SYNE2: variants seen among roughly 807,000 people sequenced by gnomAD.
SYNE2 encodes nesprin-2.
In SYNE2, 431 loss-of-function variants were observed where a neutral mutation model predicts 856.3. The observed-to-expected ratio is 0.50, with a 90% CI of 0.47 to 0.55. The LOEUF (loss-of-function observed/expected upper bound fraction) is 0.55. SYNE2 is among the 20% of genes least tolerant of loss of function. SYNE2 has a pLI of 0.00. For synonymous variants in SYNE2, 2,923 were observed against 2,872.3 expected, an observed-to-expected ratio of 1.02 and a Z score of -0.56; for missense variants, 8,129 against 8,023.2, an observed-to-expected ratio of 1.01 and a Z score of -0.50.
At chr14:64,061,858 A>G (rs1281487853) in intron 49 of SYNE2, among the ~76,000 whole-genome samples, 1 of 152,214 alleles carries the variant, frequency 6.6e-6, no homozygotes, top group African/African-American at 2.4e-5. Context: ...ACCTTTCAGT[A>G]GGAATCAAAG....
chr14:64,132,881 T>C (rs2098037177), intron 77 of SYNE2, among the ~76,000 whole-genome samples: 1 of 152,112 alleles, frequency 6.6e-6, no homozygotes, highest in Non-Finnish European at 1.5e-5. Flanking sequence ...ACACCTTTCA[T>C]AGCCAATGTT....
chr14:63,811,275 A>T (rs1366938652), intron 1 of SYNE2, among the ~76,000 whole-genome samples: 1 of 151,728 alleles, frequency 6.6e-6, no homozygotes, highest in Non-Finnish European at 1.5e-5. Flanking sequence ...ATTTTTTTTG[A>T]TTCAGGGTCT....
At chr14:63,913,880 A>G (rs1353466674) in intron 2 of SYNE2, among the ~76,000 whole-genome samples, 1 of 151,982 alleles carries the variant, frequency 6.6e-6, no homozygotes, top group African/African-American at 2.4e-5. Context: ...AATTAAAAAA[A>G]TATATACGGG....
At chr14:64,148,464 C>T (rs941908734) in intron 84 of SYNE2, among the ~76,000 whole-genome samples, 1 of 152,180 alleles carries the variant, frequency 6.6e-6, no homozygotes, top group Non-Finnish European at 1.5e-5. Flanking sequence ...CCTCGTCAGT[C>T]CCCATTTGCC....
intron 63 of SYNE2, among the ~76,000 whole-genome samples, chr14:64,101,121 G>A (rs1227673097): frequency 1.3e-5 from 2 of 152,146 alleles, no homozygotes; most frequent in Non-Finnish European, 2.9e-5. Context: ...ACATGGGAGT[G>A]CAGACATCTC....
Position 64,167,569 on chromosome 14 carries a change from TAGA to T in SYNE2, c.16841_16843del (p.Glu5614del). 1.2e-6 allele frequency: 2 copies of T among 1,614,238 alleles called. No individual in the cohort carries two copies. Among genetic ancestry groups the T allele is most frequent in the Non-Finnish European group, 8.5e-7 (1 of 1,180,044 alleles). On this transcript the variant is annotated inframe_deletion, in exon 92 of 116. Coordinates refer to ENST00000555002, the MANE Select transcript of SYNE2 (RefSeq NM_182914.3). ...AAGTGGATCCAACTTTTGGAGAAGA[TAGA>T]AGAAGCACTCAAAGTGGATGTGGCT...
chr14:64,188,634 C>G lies in SYNE2; in HGVS notation c.17797C>G (p.Leu5933Val). 1 of 1,614,144 alleles carries G rather than the reference C, an allele frequency of 6.2e-7. No individual in the cohort carries two copies. The highest frequency in any genetic ancestry group is 8.5e-7 in the Non-Finnish European group (1 of 1,180,008). Residue 5933 changes from leucine (L) to valine (V), a missense_variant, in exon 98 of 116, where the codon CTG becomes GTG. By Grantham distance (32) the Leu-to-Val change is conservative. Coordinates refer to ENST00000555002, the MANE Select transcript of SYNE2 (RefSeq NM_182914.3). ...AAAAAATAAAGAGTTGTGTGCCTGG[C>G]TGGTGCAGATGGAAAACAAAGTTCT... ...NEKNKELCAW[L>V]VQMENKVLQT...
Position 64,113,379 on chromosome 14 carries a change from T to C in SYNE2, c.12648T>C (p.Ser4216=), listed in dbSNP as rs1248448231. 1.9e-6 allele frequency: 3 copies of C among 1,614,014 alleles called. No individual in the cohort carries two copies. In the Admixed American group the frequency reaches 5.0e-5, roughly 27 times the overall value. ...TPPIEADTLD[S]SDAQGGLEPR... ...CTATTGAGGCTGACACTCTGGACTC[T>C]TCTGACGCGCAAGGAGGTTTGGAGC... Residue 4216 remains serine (S), a synonymous_variant, in exon 66 of 116, where the codon TCT becomes TCC. Transcript: ENST00000555002.
intron 11 of SYNE2, among the ~76,000 whole-genome samples, chr14:63,969,724 A>G (rs767112755): frequency 4.6e-5 from 7 of 152,024 alleles, no homozygotes; most frequent in Non-Finnish European, 1.0e-4. Context: ...ATGGGCGATT[A>G]CGTTGCTTCC....
intron 1 of SYNE2, among the ~76,000 whole-genome samples, chr14:63,842,956 A>G (rs545541248): frequency 2.6e-5 from 4 of 152,026 alleles, no homozygotes; most frequent in South Asian, 2.1e-4. Flanking sequence ...GCTTTTGTCA[A>G]TGGGGTTTGC....
intron 1 of SYNE2, among the ~76,000 whole-genome samples, chr14:63,876,633 G>A (rs1245109957): frequency 2.0e-5 from 3 of 151,734 alleles, no homozygotes; most frequent in Admixed American, 6.6e-5. Flanking sequence ...GACTACAGGC[G>A]CCCACCACCA....
chr14:64,130,416 A>C lies in SYNE2; in HGVS notation c.14340+168A>C, dbSNP rs150782192. On this transcript the variant is annotated intron_variant, in intron 76 of 115. Coordinates refer to ENST00000555002, the MANE Select transcript of SYNE2 (RefSeq NM_182914.3). ...TAATGTGTACCAGGAACCCTGGTAC[A>C]TGCTAGGAATTTGGGTTATGAGTAA... Among the ~76,000 whole-genome samples, 917 of 152,350 alleles carry C rather than the reference A, an allele frequency of 6.0e-3. 4 individuals are homozygous for C. Among genetic ancestry groups the C allele is most frequent in the Middle Eastern group, 0.014 (4 of 294 alleles).
rs140028745 is a variant in SYNE2, at chr14:64,098,786, G to A, written c.12346G>A (p.Glu4116Lys). 301 of 1,614,120 alleles carry A rather than the reference G, an allele frequency of 1.9e-4. No homozygotes were observed. The African/African-American group carries it at 3.4e-3, about 18-fold the overall frequency. The change falls in exon 63 of 116, where the codon GAG becomes AAG. Residue 4116 changes from glutamate (E) to lysine (K), a missense_variant. This residue lies in a region of SYNE2 where 5,410 missense variants were observed against 5,284.8 expected (regional missense o/e 1.02). Coordinates refer to ENST00000555002, the MANE Select transcript of SYNE2 (RefSeq NM_182914.3). ...CTCCATGTCTTACCTGGCAGCAGTC[G>A]AGGAAGAGGTGGAAGAAAGTTCCGT... is the stretch of plus-strand genomic sequence containing the variant. Reference protein sequence around the residue: ...RGSMSYLAAVEEEVEESSVKS... With the variant: ...RGSMSYLAAVKEEVEESSVKS...
chr14:63,798,927 C>G (rs762105221), intron 1 of SYNE2, among the ~76,000 whole-genome samples: 2 of 152,086 alleles, frequency 1.3e-5, no homozygotes, highest in Non-Finnish European at 2.9e-5. Context: ...AGAGATGACC[C>G]GATATCCTGC....
At chr14:63,827,427 C>G (rs1407746481) in intron 1 of SYNE2, among the ~76,000 whole-genome samples, 2 of 151,572 alleles carry the variant, frequency 1.3e-5, no homozygotes, top group African/African-American at 4.8e-5. Flanking sequence ...GAGTTCGAGA[C>G]CAGCCTAACC....
chr14:63,924,673 A>G (rs1338328263), intron 2 of SYNE2, among the ~76,000 whole-genome samples: 1 of 152,164 alleles, frequency 6.6e-6, no homozygotes, highest in Non-Finnish European at 1.5e-5. Flanking sequence ...TTGGCAGTAT[A>G]TAGAAGTACA....
Position 63,989,329 on chromosome 14 carries a change from G to GATTTT in SYNE2, c.2314-1068_2314-1064dup, listed in dbSNP as rs566947021. ...CCCTCTGCAGCGAGATAGCAGATCA[G>GATTTT]ATTTTATTTTATTTTATTATTTTTT... On this transcript the variant is annotated intron_variant, in intron 19 of 115. Coordinates refer to ENST00000555002, the MANE Select transcript of SYNE2 (RefSeq NM_182914.3). Among the ~76,000 whole-genome samples the GATTTT allele has an allele frequency of 9.2e-5, 14 of 152,152 alleles. No individual in the cohort carries two copies. The South Asian group carries it at 2.9e-3, about 32-fold the overall frequency.
At chr14:64,122,960 G>A (rs184733701) in intron 70 of SYNE2, among the ~76,000 whole-genome samples, 7 of 152,134 alleles carry the variant, frequency 4.6e-5, no homozygotes, top group Non-Finnish European at 7.4e-5. Context: ...TTAGCTGGCC[G>A]TGGTGGTGCA....
intron 2 of SYNE2, among the ~76,000 whole-genome samples, chr14:63,918,009 TG>T (rs2095552189): frequency 6.6e-6 from 1 of 152,190 alleles, no homozygotes; most frequent in Non-Finnish European, 1.5e-5. Context: ...TTTAGAGTCT[TG>T]TTAAAGTGGG....
Sources: gnomAD v4.1 joint callset for allele counts (sites outside exome capture counted in the v4.1 genomes callset) on GRCh38, gnomAD v4.1.1 for gene constraint, gnomAD v4.1.1 regional missense constraint, MANE v1.5 for transcripts, NCBI Gene and HGNC (gene_info 2026-07-23, HGNC 2026-07-21) for gene names.